ESR1: variants seen among roughly 807,000 people sequenced by gnomAD.
ESR1 encodes the protein estrogen receptor 1.
In ESR1, 12 loss-of-function variants were observed where a neutral mutation model predicts 52.7. The observed-to-expected ratio is 0.23, with a 90% confidence interval of 0.15 to 0.37. The LOEUF (loss-of-function observed/expected upper bound fraction) is 0.37, where lower values mean the gene tolerates loss of function less well. Ranked by LOEUF, ESR1 falls within the 10% of genes least tolerant of loss-of-function variation. The pLI is 1.00. For missense variants in ESR1, 584 were observed against 779.7 expected (o/e 0.75, Z 2.99); for synonymous variants, 305 against 316.8 (o/e 0.96, Z 0.39).
intron 3 of ESR1, among the ~76,000 whole-genome samples, chr6:151,895,612 A>G (rs970670552): frequency 1.3e-5 from 2 of 152,134 alleles, no homozygotes; most frequent in Non-Finnish European, 1.5e-5. Flanking sequence ...GATTTTGTCA[A>G]ATGCTTTTTC....
At chr6:151,878,058 T>G (rs1040625355) in intron 2 of ESR1, among the ~76,000 whole-genome samples, 1 of 152,062 alleles carries the variant, frequency 6.6e-6, no homozygotes, top group Non-Finnish European at 1.5e-5. Flanking sequence ...CAAACTATCC[T>G]CCCACCTCAG....
chr6:151,861,684 T>G (rs1443049574), intron 2 of ESR1, among the ~76,000 whole-genome samples: 2 of 152,162 alleles, frequency 1.3e-5, no homozygotes, highest in Non-Finnish European at 2.9e-5. Flanking sequence ...TCCTGGACAG[T>G]TTAGACTGTA....
At chr6:151,963,660 G>A (rs545099831) in intron 4 of ESR1, among the ~76,000 whole-genome samples, 273 of 152,180 alleles carry the variant, frequency 1.8e-3, no homozygotes, top group African/African-American at 6.2e-3. Context: ...TGTTTACTTT[G>A]CTGTGCGGAA....
intron 2 of ESR1, among the ~76,000 whole-genome samples, chr6:151,860,507 T>A (rs1788676748): frequency 6.6e-6 from 1 of 152,208 alleles, no homozygotes; most frequent in South Asian, 2.1e-4. Context: ...TATATATAAT[T>A]GTGTGATATA....
At chr6:151,918,942 C>T (rs1299046874) in intron 3 of ESR1, among the ~76,000 whole-genome samples, 2 of 152,156 alleles carry the variant, frequency 1.3e-5, no homozygotes, top group Non-Finnish European at 2.9e-5. Flanking sequence ...AGATTTGTTA[C>T]TTACATTGAT....
intron 1 of ESR1, among the ~76,000 whole-genome samples, chr6:151,840,441 A>G (rs776307044): frequency 6.6e-6 from 1 of 152,218 alleles, no homozygotes; most frequent in African/African-American, 2.4e-5. Flanking sequence ...GAGGCTGCCA[A>G]CCTCAGAACT....
At chr6:151,788,461 G>A (rs1787225839) in intron 2 of ESR1, among the ~76,000 whole-genome samples, 1 of 151,030 alleles carries the variant, frequency 6.6e-6, no homozygotes, top group Non-Finnish European at 1.5e-5. Context: ...AATAGATGCT[G>A]GTGAAGTTGC....
chr6:151,967,828 C>T (rs891278268), intron 4 of ESR1, among the ~76,000 whole-genome samples: 2 of 152,222 alleles, frequency 1.3e-5, no homozygotes, highest in Admixed American at 6.5e-5. Flanking sequence ...TATTTCTCCA[C>T]ATCCTCTCCA....
intron 2 of ESR1, among the ~76,000 whole-genome samples, chr6:151,745,880 A>T: frequency 6.6e-6 from 1 of 151,322 alleles, no homozygotes; most frequent in Non-Finnish European, 1.5e-5. Context: ...TTTACCAACA[A>T]CTCCTTCCCC....
intron 5 of ESR1, among the ~76,000 whole-genome samples, chr6:152,043,913 G>T (rs1174048197): frequency 6.6e-6 from 1 of 152,152 alleles, no homozygotes; most frequent in African/African-American, 2.4e-5. Context: ...CATGATAAGA[G>T]CTTGTGTCTG....
chr6:152,043,564 C>T (rs1219292469), intron 5 of ESR1, among the ~76,000 whole-genome samples: 2 of 152,162 alleles, frequency 1.3e-5, no homozygotes, highest in East Asian at 3.8e-4. Flanking sequence ...AGGGTGGGTC[C>T]TTAGGAGAAT....
At chr6:151,780,481 C>T (rs914227893) in intron 2 of ESR1, among the ~76,000 whole-genome samples, 3 of 152,156 alleles carry the variant, frequency 2.0e-5, no homozygotes, top group African/African-American at 7.2e-5. Context: ...AAGAATTACT[C>T]AGGAGAGTTC....
chr6:151,924,491 A>C (rs1037229743), intron 3 of ESR1, among the ~76,000 whole-genome samples: 9 of 151,882 alleles, frequency 5.9e-5, no homozygotes, highest in African/African-American at 1.5e-4. Context: ...ATACAGGCAA[A>C]TTTGTGTCAC....
rs1489981990 is a variant in ESR1 at position 152,065,935 on chromosome 6, G to A, written c.1369+4811G>A. The stretch of plus-strand genomic sequence containing the variant: ...TCATAGACATTTAAATACCCAAGGT[G>A]CAAAGTTAAGAGAAAACAAGATAGG... On this transcript the variant is annotated intron_variant, in intron 6 of 7. Coordinates refer to ENST00000206249, the MANE Select transcript of ESR1 (RefSeq NM_000125.4). Among the ~76,000 whole-genome samples the A allele has an allele frequency of 4.6e-5, 7 of 152,216 alleles. No homozygotes were observed. The East Asian group carries it at 1.3e-3, about 29-fold the overall frequency.
At chr6:151,835,786 T>C (rs1285571773) in intron 1 of ESR1, among the ~76,000 whole-genome samples, 1 of 129,090 alleles carries the variant, frequency 7.7e-6, no homozygotes, top group Non-Finnish European at 1.6e-5. Context: ...TGGACTTAAG[T>C]CTATATAATG....
At chr6:151,870,965 C>G (rs145972638) in intron 2 of ESR1, among the ~76,000 whole-genome samples, 1 of 152,182 alleles carries the variant, frequency 6.6e-6, no homozygotes, top group Non-Finnish European at 1.5e-5. Flanking sequence ...GATCCTCCCA[C>G]CTCAGCCTCC....
chr6:151,869,423 G>A (rs541683706), intron 2 of ESR1, among the ~76,000 whole-genome samples: 87 of 152,274 alleles, frequency 5.7e-4, no homozygotes, highest in African/African-American at 1.8e-3. Context: ...CTGTAGAATA[G>A]CACTTGCTTA....
intron 6 of ESR1, among the ~76,000 whole-genome samples, chr6:152,077,874 C>G (rs1326763224): frequency 6.6e-6 from 1 of 152,148 alleles, no homozygotes; most frequent in African/African-American, 2.4e-5. Flanking sequence ...TTTACAGGCT[C>G]ATAGGCAAAA....
chr6:151,942,595 T>C (rs2035197844), intron 3 of ESR1, among the ~76,000 whole-genome samples: 1 of 151,146 alleles, frequency 6.6e-6, no homozygotes. Context: ...ATAGGAAGAG[T>C]TCATGGCTTC....
Sources: gnomAD v4.1 joint callset for allele counts (sites outside exome capture counted in the v4.1 genomes callset) on GRCh38, gnomAD v4.1.1 for gene constraint, MANE v1.5 for transcripts, NCBI Gene and HGNC (gene_info 2026-07-23, HGNC 2026-07-21) for gene names.